The following FOXN3 variants were observed in gnomAD, a reference collection of about 807,000 sequenced individuals.
The protein encoded by FOXN3 is forkhead box N3, also known as forkhead box protein N3.
In FOXN3, 7 loss-of-function variants were observed where a neutral mutation model predicts 38.4. The ratio of observed to expected loss-of-function variants is 0.18; its 90% CI spans 0.10 to 0.34. The LOEUF (loss-of-function observed/expected upper bound fraction) is 0.34. Ranked by LOEUF, FOXN3 falls within the 10% of genes least tolerant of loss-of-function variation. The pLI is 1.00. For missense variants in FOXN3, 456 were observed against 613.4 expected (o/e 0.74, Z 2.71); for synonymous variants, 230 against 242.2 (o/e 0.95, Z 0.47).
chr14:89,465,349 C>T (rs998890130), intron 1 of FOXN3, among the ~76,000 whole-genome samples: 1 of 152,206 alleles, frequency 6.6e-6, no homozygotes, highest in East Asian at 1.9e-4. Flanking sequence ...CCTGCCTCAG[C>T]CTCCCAAGTA....
At chr14:89,317,968 A>G (rs1395260896) in intron 3 of FOXN3, among the ~76,000 whole-genome samples, 1 of 150,428 alleles carries the variant, frequency 6.6e-6, no homozygotes, top group Non-Finnish European at 1.5e-5. Flanking sequence ...GAACAGTTTC[A>G]TCCCAAAACT....
intron 3 of FOXN3, among the ~76,000 whole-genome samples, chr14:89,302,512 A>G (rs1185833557): frequency 6.6e-6 from 1 of 152,210 alleles, no homozygotes; most frequent in Non-Finnish European, 1.5e-5. Flanking sequence ...AGCTTTAAAC[A>G]TAACCCGAAA....
At chr14:89,521,360 G>C (rs536407984) in intron 1 of FOXN3, among the ~76,000 whole-genome samples, 2 of 129,272 alleles carry the variant, frequency 1.5e-5, no homozygotes, top group South Asian at 2.3e-4. Flanking sequence ...ATGATAGATA[G>C]AGAGAGAGAG....
At chr14:89,387,303 A>AGACACAATTCAATC (rs1360037852) in intron 2 of FOXN3, among the ~76,000 whole-genome samples, 1 of 152,160 alleles carries the variant, frequency 6.6e-6, no homozygotes, top group Non-Finnish European at 1.5e-5. Flanking sequence ...ATTAGGGGGG[A>AGACACAATTCAATC]GACACAATTC....
At chr14:89,289,787 A>T (rs1216122680) in intron 3 of FOXN3, among the ~76,000 whole-genome samples, 3 of 152,190 alleles carry the variant, frequency 2.0e-5, no homozygotes, top group African/African-American at 7.2e-5. Flanking sequence ...AAAACTGTAC[A>T]TTTCTCAGGG....
Position 89,162,530 on chromosome 14 carries a change from T to C in FOXN3, c.1291A>G (p.Met431Val). The C allele has an allele frequency of 1.2e-6, 2 of 1,613,632 alleles. No individual in the cohort carries two copies. Among genetic ancestry groups the C allele is most frequent in the East Asian group, 2.2e-5 (1 of 44,838 alleles). ...AGGAGGGACCCTGCCGCTTCTTTCATCTCCTCATCATCGCTCTCGGGGGGC... is the reference window on the plus strand; with the variant it reads ...AGGAGGGACCCTGCCGCTTCTTTCACCTCCTCATCATCGCTCTCGGGGGGC... ...EKPPESDDEE[M>V]KEAAGSLLHL... The change falls in exon 6 of 6, where the codon ATG becomes GTG. Residue 431 changes from methionine to valine, a missense_variant. Coordinates refer to ENST00000557258, the MANE Select transcript of FOXN3 (RefSeq NM_005197.4). The surrounding 1 kb of genome is among the most constrained non-coding windows in gnomAD (Gnocchi z 7.2).
chr14:89,486,906 A>G (rs1893457909), intron 1 of FOXN3, among the ~76,000 whole-genome samples: 1 of 152,238 alleles, frequency 6.6e-6, no homozygotes, highest in Non-Finnish European at 1.5e-5. Context: ...ATTTGAAAAT[A>G]CATGCCATCT....
chr14:89,159,840 G>T lies in FOXN3; in HGVS notation c.*2574C>A, dbSNP rs750955233. ...GGAGACGGAGGGAACAGAGCACTGC[G>T]AAGATACTTTATTCCCACCTACACC... On this transcript the variant is annotated 3_prime_UTR_variant, in exon 6 of 6. Coordinates refer to ENST00000557258, the MANE Select transcript of FOXN3 (RefSeq NM_005197.4). 6.6e-6 allele frequency: 1 copy of T among 152,348 alleles called. No homozygotes were observed. The allele number at this position is 152,348 out of a possible 1,614,324, so 9.4% of individuals were successfully genotyped here.
At chr14:89,542,944 G>A (rs1481582689) in intron 1 of FOXN3, among the ~76,000 whole-genome samples, 1 of 152,184 alleles carries the variant, frequency 6.6e-6, no homozygotes, top group Non-Finnish European at 1.5e-5. Context: ...TACATTAACA[G>A]CAGAAGCAAA....
intron 3 of FOXN3, among the ~76,000 whole-genome samples, chr14:89,348,564 G>C (rs557094826): frequency 6.6e-6 from 1 of 152,258 alleles, no homozygotes; most frequent in Admixed American, 6.5e-5. Context: ...GCATGGAAGA[G>C]GCAGACTAGA....
intron 1 of FOXN3, among the ~76,000 whole-genome samples, chr14:89,509,866 C>A (rs1182037017): frequency 1.3e-5 from 2 of 152,248 alleles, no homozygotes; most frequent in Non-Finnish European, 2.9e-5. Context: ...TAAATGACTT[C>A]TTCGAGATTT....
intron 2 of FOXN3, among the ~76,000 whole-genome samples, chr14:89,375,484 T>G (rs10147278): frequency 0.99 from 151,504 of 152,320 alleles, 75,355 homozygotes; most frequent in Middle Eastern, 1. Flanking sequence ...ACAGATGAAA[T>G]TGAACTACAA....
chr14:89,485,535 G>A (rs893011797), intron 1 of FOXN3, among the ~76,000 whole-genome samples: 66 of 152,180 alleles, frequency 4.3e-4, no homozygotes, highest in Non-Finnish European at 1.8e-4. Context: ...TGGCAGGTGT[G>A]TGAGAGTAGA....
chr14:89,378,181 GC>G (rs1890537571), intron 2 of FOXN3, among the ~76,000 whole-genome samples: 1 of 152,234 alleles, frequency 6.6e-6, no homozygotes, highest in Non-Finnish European at 1.5e-5. Flanking sequence ...AGGAAGAACA[GC>G]TTTTGCTACC....
chr14:89,561,669 G>A (rs1895250934), intron 1 of FOXN3, among the ~76,000 whole-genome samples: 1 of 152,226 alleles, frequency 6.6e-6, no homozygotes, highest in Admixed American at 6.5e-5. Flanking sequence ...CTTTAGGTTG[G>A]TGTGATCCTG....
intron 2 of FOXN3, among the ~76,000 whole-genome samples, chr14:89,370,299 A>T (rs978961644): frequency 6.6e-6 from 1 of 152,230 alleles, no homozygotes; most frequent in African/African-American, 2.4e-5. Context: ...TATAGCTACA[A>T]AAATGGTCTC....
chr14:89,296,717 C>T (rs866998612), intron 3 of FOXN3, among the ~76,000 whole-genome samples: 18 of 152,316 alleles, frequency 1.2e-4, no homozygotes, highest in Middle Eastern at 6.8e-3. Context: ...CTCCCTGCAA[C>T]CTCCACCTCC....
At chr14:89,292,113 C>T (rs1886892517) in intron 3 of FOXN3, among the ~76,000 whole-genome samples, 2 of 152,136 alleles carry the variant, frequency 1.3e-5, no homozygotes, top group Non-Finnish European at 2.9e-5. Flanking sequence ...CACCTCCGTT[C>T]GCTGGCTCCA....
intron 1 of FOXN3, among the ~76,000 whole-genome samples, chr14:89,502,181 T>G (rs979143850): frequency 2.6e-5 from 4 of 151,874 alleles, no homozygotes; most frequent in Admixed American, 6.6e-5. Context: ...AAATAAAAAA[T>G]AAAAACACTA....
Sources: allele counts gnomAD v4.1 joint callset (sites outside exome capture counted in the v4.1 genomes callset), GRCh38; gene constraint gnomAD v4.1.1; non-coding constraint Gnocchi (gnomAD v3.1); transcripts MANE v1.5; gene names NCBI Gene and HGNC (gene_info 2026-07-23, HGNC 2026-07-21).